Variants in NOL10 observed in about 807,000 individuals in gnomAD.
NOL10 encodes the protein nucleolar protein 10.
In NOL10, 58 loss-of-function variants were observed where a neutral mutation model predicts 103.5. The observed-to-expected ratio is 0.56, with a 90% CI of 0.45 to 0.70. The LOEUF is 0.70. Ranked by LOEUF, NOL10 falls within the 30% of genes least tolerant of loss-of-function variation. NOL10 has a pLI of 0.00. For missense variants in NOL10, 763 were observed against 807.3 expected, an observed-to-expected ratio of 0.95 and a Z score of 0.67; for synonymous variants, 287 against 282.5, an observed-to-expected ratio of 1.02 and a Z score of -0.16.
chr2:10,626,384 T>C (rs1032596297), intron 13 of NOL10, among the ~76,000 whole-genome samples: 8 of 152,098 alleles, frequency 5.3e-5, no homozygotes, highest in Non-Finnish European at 1.2e-4. Context: ...TACGTTGGGA[T>C]TTGAGAACAC....
At chr2:10,588,586 A>G (rs1675235871) in intron 19 of NOL10, among the ~76,000 whole-genome samples, 1 of 152,220 alleles carries the variant, frequency 6.6e-6, no homozygotes, top group Admixed American at 6.5e-5. Flanking sequence ...AGAAGCAGAA[A>G]AGTTGTCATC....
At chr2:10,650,318 T>G (rs1210629952) in intron 12 of NOL10, among the ~76,000 whole-genome samples, 1 of 151,850 alleles carries the variant, frequency 6.6e-6, no homozygotes, top group Non-Finnish European at 1.5e-5. Flanking sequence ...ACAGTGCCAC[T>G]GCTTCCTGCT....
intron 8 of NOL10, among the ~76,000 whole-genome samples, chr2:10,665,699 C>A (rs937783662): frequency 1.3e-5 from 2 of 152,140 alleles, no homozygotes; most frequent in African/African-American, 4.8e-5. Flanking sequence ...CCTGTAAGGA[C>A]CCTAAAAACT....
In NOL10 at chr2:10,634,713, G is replaced by C. The variant is rs1417567931; in HGVS notation, c.1026+9607C>G. 3.9e-5 allele frequency among the ~76,000 whole-genome samples: 6 copies of C among 152,208 alleles called. No homozygotes were observed. The East Asian group carries it at 1.2e-3, about 29-fold the overall frequency. On this transcript the variant is annotated intron_variant, in intron 13 of 20. Transcript: ENST00000381685. ...GCTCACTAACATTCAGAGGTCAGGGGAGAGAGGCAAGATCCGAAGTCTAGG... is the reference window on the plus strand; with the variant it reads ...GCTCACTAACATTCAGAGGTCAGGGCAGAGAGGCAAGATCCGAAGTCTAGG...
intron 13 of NOL10, among the ~76,000 whole-genome samples, chr2:10,624,397 T>C (rs1437302800): frequency 6.6e-6 from 1 of 151,702 alleles, no homozygotes; most frequent in Non-Finnish European, 1.5e-5. Context: ...AACAGAGGGA[T>C]TTGGGAGGAA....
At chr2:10,648,240 C>T (rs1679220732) in intron 12 of NOL10, among the ~76,000 whole-genome samples, 1 of 152,128 alleles carries the variant, frequency 6.6e-6, no homozygotes, top group Non-Finnish European at 1.5e-5. Context: ...GCTTCAATTA[C>T]TCCAAAATGA....
At chr2:10,619,845 T>C (rs563161471) in intron 13 of NOL10, among the ~76,000 whole-genome samples, 2 of 152,334 alleles carry the variant, frequency 1.3e-5, no homozygotes, top group African/African-American at 4.8e-5. Context: ...TATCATCATA[T>C]TACACTTGAA....
chr2:10,596,784 T>TTAAGGCCA (rs1410741877), intron 17 of NOL10, among the ~76,000 whole-genome samples: 1 of 151,946 alleles, frequency 6.6e-6, no homozygotes, highest in Non-Finnish European at 1.5e-5. Flanking sequence ...ATCAGAGACT[T>TTAAGGCCA]TAAGGCCACA....
Position 10,597,357 on chromosome 2 carries a change from T to A in NOL10, c.1422+3496A>T, listed in dbSNP as rs1224278542. On this transcript the variant is annotated intron_variant, in intron 17 of 20. Transcript: ENST00000381685. ...AGCTGCAGACAAGGCAAAACATACC[T>A]TTCAAATTGGTATTGCAAGATACCT... 2.6e-5 allele frequency among the ~76,000 whole-genome samples: 4 copies of A among 152,230 alleles called. No homozygotes were observed. The East Asian group carries it at 7.7e-4, about 29-fold the overall frequency.
At chr2:10,682,206 A>G (rs2148364372) in intron 2 of NOL10, 137 bp from the exon 3 acceptor site, 1 of 395,232 alleles carries the variant, frequency 2.5e-6, no homozygotes, top group Non-Finnish European at 4.5e-6. Flanking sequence ...GCCTTGGGAA[A>G]GGTCACCAGC....
rs1030584979 is a variant in NOL10 at position 10,589,755 on chromosome 2, C to A, written c.1423-4G>T. 3 of 1,476,374 alleles carry A rather than the reference C, an allele frequency of 2.0e-6. No individual in the cohort carries two copies. The highest frequency in any genetic ancestry group is 1.4e-5 in the African/African-American group (1 of 69,928). 91.5% of individuals were successfully genotyped at this position (1,476,374 alleles called of 1,614,324 possible). On this transcript the variant is annotated splice_polypyrimidine_tract_variant and splice_region_variant and intron_variant, in intron 17 of 20. Transcript: ENST00000381685. ...CGGTGAGAATATTAGGAAGACTCTA[C>A]AAGGAGGAAAAAGTACGTAAAAATT...
At chr2:10,662,058 G>A (rs1270955596) in intron 9 of NOL10, among the ~76,000 whole-genome samples, 1 of 151,958 alleles carries the variant, frequency 6.6e-6, no homozygotes, top group African/African-American at 2.4e-5. Flanking sequence ...GGCGCATTTG[G>A]ACCACCTTTC....
At chr2:10,633,860 TC>T (rs1355685258) in intron 13 of NOL10, among the ~76,000 whole-genome samples, 1 of 152,056 alleles carries the variant, frequency 6.6e-6, no homozygotes, top group East Asian at 1.9e-4. Context: ...AGGGTCTTGC[TC>T]TGTCACCCAG....
At chr2:10,639,808 A>C (rs1231841704) in intron 13 of NOL10, among the ~76,000 whole-genome samples, 2 of 152,190 alleles carry the variant, frequency 1.3e-5, no homozygotes, top group Admixed American at 6.5e-5. Context: ...ACAAACAAAC[A>C]AAACAATAGA....
intron 12 of NOL10, among the ~76,000 whole-genome samples, chr2:10,650,235 A>G (rs1205985639): frequency 6.6e-6 from 1 of 152,138 alleles, no homozygotes; most frequent in South Asian, 2.1e-4. Context: ...ATCACAGCTC[A>G]CTATAAACTC....
intron 6 of NOL10, among the ~76,000 whole-genome samples, chr2:10,669,466 TTA>T (rs754956630): frequency 2.9e-4 from 42 of 142,714 alleles, no homozygotes; most frequent in Admixed American, 8.6e-4. Flanking sequence ...TTTTTATTTT[TTA>T]TATATATATA....
intron 1 of NOL10, among the ~76,000 whole-genome samples, chr2:10,687,696 T>TGCC (rs2148375893): frequency 6.6e-6 from 1 of 152,298 alleles, no homozygotes; most frequent in South Asian, 2.1e-4. Context: ...CAGTGGCTCA[T>TGCC]GCCTGTAATC....
intron 1 of NOL10, among the ~76,000 whole-genome samples, chr2:10,687,913 C>T (rs762587449): frequency 3.3e-5 from 5 of 152,124 alleles, no homozygotes; most frequent in East Asian, 1.9e-4. Flanking sequence ...GGCCATTGCA[C>T]GCGACCTCAA....
At chr2:10,649,599 C>A (rs1679331079) in intron 12 of NOL10, among the ~76,000 whole-genome samples, 1 of 152,104 alleles carries the variant, frequency 6.6e-6, no homozygotes, top group Non-Finnish European at 1.5e-5. Flanking sequence ...GGACTACAGG[C>A]ATGAGACACT....
Sources: allele counts gnomAD v4.1 joint callset (sites outside exome capture counted in the v4.1 genomes callset), GRCh38; gene constraint gnomAD v4.1.1; transcripts MANE v1.5; gene names NCBI Gene and HGNC (gene_info 2026-07-23, HGNC 2026-07-21).